KHDRBS2: variants seen among roughly 807,000 people sequenced by gnomAD.
KHDRBS2 encodes KH RNA binding domain containing, signal transduction associated 2, also known as KH domain-containing, RNA-binding, signal transduction-associated protein 2.
A neutral mutation model predicts 44.3 loss-of-function variants in KHDRBS2; 26 were observed. The ratio of observed to expected loss-of-function variants is 0.59; its 90% CI spans 0.43 to 0.81. KHDRBS2 has a LOEUF of 0.81. Ranked by LOEUF, KHDRBS2 falls within the 40% of genes least tolerant of loss-of-function variation. The pLI is 0.00. For missense variants in KHDRBS2, 476 were observed against 433.1 expected, an observed-to-expected ratio of 1.10 and a Z score of -0.88; for synonymous variants, 194 against 151.1, an observed-to-expected ratio of 1.28 and a Z score of -2.08.
intron 6 of KHDRBS2, among the ~76,000 whole-genome samples, chr6:61,775,305 C>T (rs1781763723): frequency 6.6e-6 from 1 of 151,964 alleles, no homozygotes; most frequent in South Asian, 2.1e-4. Context: ...AATCAAGCAG[C>T]AGAAGGAAAT....
chr6:62,203,429 A>C (rs1827375659), intron 1 of KHDRBS2, among the ~76,000 whole-genome samples: 1 of 152,112 alleles, frequency 6.6e-6, no homozygotes, highest in South Asian at 2.1e-4. Context: ...TCAAAATACT[A>C]ATGGGCAGAA....
At chr6:61,945,752 G>A (rs1023016054) in intron 4 of KHDRBS2, among the ~76,000 whole-genome samples, 6 of 150,708 alleles carry the variant, frequency 4.0e-5, no homozygotes, top group African/African-American at 4.9e-5. Context: ...AATTGAGACC[G>A]TCAAGCAAAA....
At chr6:62,059,811 G>C (rs1202362283) in intron 2 of KHDRBS2, among the ~76,000 whole-genome samples, 1 of 151,532 alleles carries the variant, frequency 6.6e-6, no homozygotes, top group African/African-American at 2.4e-5. Context: ...GAAACTTGAG[G>C]AACACGTATA....
intron 2 of KHDRBS2, among the ~76,000 whole-genome samples, chr6:62,105,083 G>A: frequency 6.6e-6 from 1 of 151,938 alleles, no homozygotes; most frequent in Admixed American, 6.6e-5. Context: ...TTCTCAACAG[G>A]AAGAAAATGA....
At chr6:62,223,869 C>T (rs1831313200) in intron 1 of KHDRBS2, among the ~76,000 whole-genome samples, 1 of 152,170 alleles carries the variant, frequency 6.6e-6, no homozygotes, top group Non-Finnish European at 1.5e-5. Flanking sequence ...ATATCACTAT[C>T]AGGCTTTTGG....
At chr6:62,225,398 A>C (rs1421883890) in intron 1 of KHDRBS2, among the ~76,000 whole-genome samples, 2 of 152,238 alleles carry the variant, frequency 1.3e-5, no homozygotes, top group Non-Finnish European at 2.9e-5. Flanking sequence ...TTAATCTATT[A>C]ATCAGCTATT....
chr6:61,717,041 A>G (rs1771552116), intron 7 of KHDRBS2, among the ~76,000 whole-genome samples: 1 of 152,090 alleles, frequency 6.6e-6, no homozygotes, highest in Non-Finnish European at 1.5e-5. Context: ...GTTACTATCT[A>G]AAACACTTCC....
chr6:61,662,417 G>C, the KHDRBS2 span, among the ~76,000 whole-genome samples: 1 of 151,592 alleles, frequency 6.6e-6, no homozygotes, highest in African/African-American at 2.4e-5. Flanking sequence ...TTAAACTAAA[G>C]AGCTTCTGCA....
At chr6:62,119,511 G>C (rs1754566970) in intron 2 of KHDRBS2, among the ~76,000 whole-genome samples, 1 of 152,116 alleles carries the variant, frequency 6.6e-6, no homozygotes, top group Admixed American at 6.6e-5. Context: ...TATCATGCAA[G>C]TGGCTGACCT....
the KHDRBS2 span, among the ~76,000 whole-genome samples, chr6:61,668,635 A>C: frequency 6.6e-6 from 1 of 151,064 alleles, no homozygotes; most frequent in African/African-American, 2.4e-5. Flanking sequence ...AGGACATTAC[A>C]TTCCCTAAAG....
chr6:62,007,277 A>C (rs1340266619), intron 3 of KHDRBS2, among the ~76,000 whole-genome samples: 4 of 152,062 alleles, frequency 2.6e-5, no homozygotes, highest in Non-Finnish European at 4.4e-5. Context: ...CCTTTAAATA[A>C]GTTTTCTGTT....
intron 2 of KHDRBS2, among the ~76,000 whole-genome samples, chr6:62,053,814 T>C (rs1337062093): frequency 1.3e-5 from 2 of 151,986 alleles, no homozygotes; most frequent in African/African-American, 4.8e-5. Flanking sequence ...ATTATATACA[T>C]AGAAAACAAA....
Position 61,978,140 on chromosome 6 carries a change from C to T in KHDRBS2, c.409G>A (p.Val137Met), listed in dbSNP as rs765226399. ...LSDELHVLIE[V>M]FAPPGEAYSR... ...TAAGCTTCCCCAGGTGGAGCAAACA[C>T]TTCAATTAATACATGAAGCTCATCA... Residue 137 changes from valine to methionine, a missense_variant, in exon 4 of 9, where the codon GTG (valine) becomes ATG (methionine). Physicochemically the swap from Val to Met is conservative, Grantham distance 21. Transcript: ENST00000281156. 2 of 1,611,976 alleles carry T rather than the reference C, an allele frequency of 1.2e-6. No individual in the cohort carries two copies. The highest frequency in any genetic ancestry group is 1.1e-5 in the South Asian group (1 of 90,850).
At chr6:61,797,536 T>C (rs1785540935) in intron 6 of KHDRBS2, among the ~76,000 whole-genome samples, 1 of 152,042 alleles carries the variant, frequency 6.6e-6, no homozygotes, top group Admixed American at 6.6e-5. Context: ...CTGCAAAATA[T>C]GTAAGTGCTT....
intron 2 of KHDRBS2, 49 bp downstream of exon 2, chr6:62,177,136 T>C: frequency 9.0e-7 from 1 of 1,108,796 alleles, no homozygotes; most frequent in Non-Finnish European, 1.3e-6. Context: ...CCGTCTTCTT[T>C]TATCATTTCT....
chr6:61,980,706 A>G (rs1773657050), intron 3 of KHDRBS2, among the ~76,000 whole-genome samples: 1 of 152,146 alleles, frequency 6.6e-6, no homozygotes, highest in Non-Finnish European at 1.5e-5. Flanking sequence ...CACTATAAGG[A>G]AAACTACACC....
At chr6:61,826,865 A>G (rs1790954417) in intron 6 of KHDRBS2, among the ~76,000 whole-genome samples, 2 of 152,166 alleles carry the variant, frequency 1.3e-5, no homozygotes, top group South Asian at 4.1e-4. Flanking sequence ...AGTGTGAGTT[A>G]CAGAACCCAA....
intron 1 of KHDRBS2, among the ~76,000 whole-genome samples, chr6:62,199,195 T>C (rs1171711816): frequency 6.6e-6 from 1 of 152,146 alleles, no homozygotes; most frequent in Non-Finnish European, 1.5e-5. Context: ...GGAGGCCCTC[T>C]CTCACCACTC....
At chr6:61,938,556 G>C (rs1289900248) in intron 4 of KHDRBS2, among the ~76,000 whole-genome samples, 1 of 152,102 alleles carries the variant, frequency 6.6e-6, no homozygotes, top group Non-Finnish European at 1.5e-5. Context: ...TGAAATAATT[G>C]CTCTGAGAAG....
Sources: allele counts gnomAD v4.1 joint callset (sites outside exome capture counted in the v4.1 genomes callset), GRCh38; gene constraint gnomAD v4.1.1; transcripts MANE v1.5; gene names NCBI Gene and HGNC (gene_info 2026-07-23, HGNC 2026-07-21).